The following ROBO1 variants were observed in gnomAD, a reference collection of about 807,000 sequenced individuals.
The protein encoded by ROBO1 is roundabout guidance receptor 1.
Under a neutral mutation model 195.9 loss-of-function variants are expected in ROBO1, and 149 were observed. The ratio of observed to expected loss-of-function variants is 0.76; its 90% CI spans 0.67 to 0.87. The LOEUF (loss-of-function observed/expected upper bound fraction) is 0.87. Ranked by LOEUF, ROBO1 falls within the 40% of genes least tolerant of loss-of-function variation. The probability of loss-of-function intolerance (pLI) is 0.00; values close to 1 mark genes in which losing one functional copy is unlikely to be tolerated. For synonymous variants in ROBO1, 816 were observed against 733.2 expected (o/e 1.11, Z -1.82); for missense variants, 1,933 against 2,068.3 (o/e 0.93, Z 1.27).
chr3:79,071,148 A>G (rs1282244299), intron 3 of ROBO1, among the ~76,000 whole-genome samples: 1 of 151,846 alleles, frequency 6.6e-6, no homozygotes, highest in Non-Finnish European at 1.5e-5. Context: ...ATGCTGTATA[A>G]TAGATCTCCT....
chr3:79,663,189 AC>A (rs1489162588), intron 1 of ROBO1, among the ~76,000 whole-genome samples: 1 of 152,024 alleles, frequency 6.6e-6, no homozygotes, highest in Non-Finnish European at 1.5e-5. Flanking sequence ...TGGTTTACGA[AC>A]CTTATCACTC....
chr3:79,032,426 A>C (rs1169948530), intron 3 of ROBO1, among the ~76,000 whole-genome samples: 1 of 152,004 alleles, frequency 6.6e-6, no homozygotes, highest in Non-Finnish European at 1.5e-5. Flanking sequence ...AATTTAACTT[A>C]ATAAATTAAG....
intron 4 of ROBO1, among the ~76,000 whole-genome samples, chr3:78,775,749 G>C (rs923928710): frequency 6.6e-6 from 1 of 152,146 alleles, no homozygotes; most frequent in Non-Finnish European, 1.5e-5. Context: ...CCCAAGTTCT[G>C]GTCTATTGTG....
chr3:79,730,795 T>TGA (rs1658465707), intron 1 of ROBO1, among the ~76,000 whole-genome samples: 1 of 111,306 alleles, frequency 9.0e-6, no homozygotes, highest in Non-Finnish European at 1.9e-5. Flanking sequence ...TTTTTTTTTT[T>TGA]GAGATGGAGT....
At chr3:79,731,378 C>T (rs1703143114) in intron 1 of ROBO1, among the ~76,000 whole-genome samples, 1 of 152,044 alleles carries the variant, frequency 6.6e-6, no homozygotes, top group African/African-American at 2.4e-5. Flanking sequence ...CCCTGAGCTC[C>T]TTGGATCTAT....
chr3:79,259,034 C>T (rs912259375), intron 2 of ROBO1, among the ~76,000 whole-genome samples: 3 of 151,906 alleles, frequency 2.0e-5, no homozygotes, highest in Non-Finnish European at 4.4e-5. Context: ...GGATCTTGAC[C>T]CTAAACTTTA....
At chr3:79,480,913 G>T (rs1165914946) in intron 2 of ROBO1, among the ~76,000 whole-genome samples, 1 of 152,084 alleles carries the variant, frequency 6.6e-6, no homozygotes, top group African/African-American at 2.4e-5. Context: ...CTAGGGTGAA[G>T]CATAATATAG....
At chr3:79,271,652 CTCTTCCTCCTCAGTGAGATAATGGTAT>C (rs1236581039) in intron 2 of ROBO1, among the ~76,000 whole-genome samples, 1 of 151,924 alleles carries the variant, frequency 6.6e-6, no homozygotes, top group Non-Finnish European at 1.5e-5. Context: ...GAAAATTAAT[CTCTTCCTCCTCAGTGAGATAATGGTAT>C]ATGTATGTAT....
chr3:79,516,648 T>A (rs920758198), intron 2 of ROBO1, among the ~76,000 whole-genome samples: 1 of 152,196 alleles, frequency 6.6e-6, no homozygotes, highest in Non-Finnish European at 1.5e-5. Flanking sequence ...TATTTAAAAC[T>A]TTAATATGTA....
chr3:78,610,038 T>C (rs890515882), intron 28 of ROBO1, among the ~76,000 whole-genome samples: 4 of 152,196 alleles, frequency 2.6e-5, no homozygotes, highest in Non-Finnish European at 5.9e-5. Flanking sequence ...TAAGAAGTGA[T>C]CACACTTTTA....
In ROBO1 at chr3:79,018,789, C is replaced by G. The variant is rs1203923443; in HGVS notation, c.173-79862G>C. 6 of 1,069,624 alleles carry G rather than the reference C, an allele frequency of 5.6e-6. No homozygotes were observed. The African/African-American group carries it at 8.1e-5, about 14-fold the overall frequency. 66.3% of individuals were successfully genotyped at this position (1,069,624 alleles called of 1,614,324 possible). On this transcript the variant is annotated intron_variant, in intron 3 of 30. Coordinates refer to ENST00000464233, the MANE Select transcript of ROBO1 (RefSeq NM_002941.4). ...TAGTGCCGTTTCCTGCCTCCACGGT[C>G]TTGCGGAGCCTCCCGGCGTGCGCCC...
In ROBO1 at chr3:78,635,763, G is replaced by T. The variant is rs777644894; in HGVS notation, c.3373+10C>A. On this transcript the variant is annotated intron_variant, in intron 23 of 30. Coordinates refer to ENST00000464233, the MANE Select transcript of ROBO1 (RefSeq NM_002941.4). ...CAGAAACAGATGGGAATACATGCAA[G>T]CCTCTTCACCTTTGTTCAGCTTGTT... 1 of 1,610,272 alleles carries T rather than the reference G, an allele frequency of 6.2e-7. No homozygotes were observed.
At chr3:78,879,576 G>C (rs2107239394) in intron 4 of ROBO1, among the ~76,000 whole-genome samples, 1 of 151,834 alleles carries the variant, frequency 6.6e-6, no homozygotes, top group Middle Eastern at 3.4e-3. Context: ...GCCTAATTAG[G>C]GGATTAGAAC....
At chr3:78,921,803 T>G (rs1331386995) in intron 4 of ROBO1, among the ~76,000 whole-genome samples, 1 of 152,056 alleles carries the variant, frequency 6.6e-6, no homozygotes, top group Non-Finnish European at 1.5e-5. Flanking sequence ...CTTTTTTTTT[T>G]TTTTGAAACA....
intron 1 of ROBO1, among the ~76,000 whole-genome samples, chr3:79,717,146 T>C (rs750175743): frequency 2.0e-5 from 3 of 151,978 alleles, no homozygotes; most frequent in Non-Finnish European, 4.4e-5. Context: ...TACTTTTCTC[T>C]AGTAAGTTTG....
chr3:79,335,911 G>A (rs1057215607), intron 2 of ROBO1, among the ~76,000 whole-genome samples: 2 of 152,176 alleles, frequency 1.3e-5, no homozygotes, highest in African/African-American at 4.8e-5. Context: ...TCAGGCTGAG[G>A]TGGTCTCAGA....
At chr3:78,626,945 G>A (rs1704831239) in intron 26 of ROBO1, among the ~76,000 whole-genome samples, 1 of 152,116 alleles carries the variant, frequency 6.6e-6, no homozygotes, top group Non-Finnish European at 1.5e-5. Flanking sequence ...GAGAAAATCT[G>A]TTTTCTGCTG....
intron 2 of ROBO1, among the ~76,000 whole-genome samples, chr3:79,210,204 A>G (rs1301084078): frequency 1.3e-5 from 2 of 152,178 alleles, no homozygotes; most frequent in Non-Finnish European, 2.9e-5. Flanking sequence ...AAGAGCCCAC[A>G]TAGCCAAAGC....
At chr3:79,631,713 A>C (rs1305183868) in intron 1 of ROBO1, among the ~76,000 whole-genome samples, 2 of 152,078 alleles carry the variant, frequency 1.3e-5, no homozygotes, top group Non-Finnish European at 2.9e-5. Context: ...ACAAAACGGG[A>C]GAAAATATTT....
Sources: gnomAD v4.1 joint callset for allele counts (sites outside exome capture counted in the v4.1 genomes callset) on GRCh38, gnomAD v4.1.1 for gene constraint, MANE v1.5 for transcripts, NCBI Gene and HGNC (gene_info 2026-07-23, HGNC 2026-07-21) for gene names.